Variants in SLIT2 observed in about 807,000 individuals in gnomAD.
SLIT2 encodes slit guidance ligand 2.
In SLIT2, 41 loss-of-function variants were observed where a neutral mutation model predicts 185.7. The ratio of observed to expected loss-of-function variants is 0.22; its 90% CI spans 0.17 to 0.29. The LOEUF is 0.29. SLIT2 is among the 10% of genes least tolerant of loss of function. SLIT2 has a pLI of 1.00. For synonymous variants in SLIT2, 693 were observed against 680.2 expected (o/e 1.02, Z -0.29); for missense variants, 1,571 against 1,909.0 (o/e 0.82, Z 3.30).
At chr4:20,401,774 T>G (rs1035356609) in intron 4 of SLIT2, among the ~76,000 whole-genome samples, 1 of 151,792 alleles carries the variant, frequency 6.6e-6, no homozygotes, top group African/African-American at 2.4e-5. Flanking sequence ...AAATGGGAAA[T>G]GAATAACACT....
At chr4:20,420,082 C>G (rs1433853464) in intron 4 of SLIT2, among the ~76,000 whole-genome samples, 1 of 152,128 alleles carries the variant, frequency 6.6e-6, no homozygotes, top group Non-Finnish European at 1.5e-5. Flanking sequence ...TCTCTAATAT[C>G]CAAATCATTC....
chr4:20,412,952 T>A (rs1727373550), intron 4 of SLIT2, among the ~76,000 whole-genome samples: 1 of 152,102 alleles, frequency 6.6e-6, no homozygotes, highest in Admixed American at 6.5e-5. Flanking sequence ...CAATTCTGGA[T>A]CTTTTGAATT....
intron 4 of SLIT2, among the ~76,000 whole-genome samples, chr4:20,331,638 A>G (rs1720077056): frequency 6.6e-6 from 1 of 152,134 alleles, no homozygotes; most frequent in African/African-American, 2.4e-5. Context: ...TTCTTGAAGT[A>G]TAATTCAAAT....
chr4:20,415,128 C>G (rs1204136263), intron 4 of SLIT2, among the ~76,000 whole-genome samples: 5 of 152,080 alleles, frequency 3.3e-5, no homozygotes, highest in Non-Finnish European at 7.4e-5. Context: ...AGTCTTTATA[C>G]TGGCTGTGCG....
chr4:20,536,916 C>A (rs1343955652), intron 18 of SLIT2, among the ~76,000 whole-genome samples: 2 of 152,012 alleles, frequency 1.3e-5, no homozygotes, highest in African/African-American at 4.8e-5. Flanking sequence ...TTAGCCTAGG[C>A]CTGCCCAGTG....
At chr4:20,466,022 G>C (rs992121720) in intron 4 of SLIT2, among the ~76,000 whole-genome samples, 4 of 151,830 alleles carry the variant, frequency 2.6e-5, no homozygotes, top group African/African-American at 9.7e-5. Flanking sequence ...CATGGAATTG[G>C]CGAAGACAGA....
intron 9 of SLIT2, among the ~76,000 whole-genome samples, chr4:20,504,935 C>T (rs1396096841): frequency 2.9e-5 from 4 of 138,292 alleles, no homozygotes; most frequent in Admixed American, 7.4e-5. Context: ...AACTTGATCA[C>T]AGGCATATAG....
At chr4:20,580,943 C>A (rs540338839) in intron 29 of SLIT2, among the ~76,000 whole-genome samples, 2 of 151,340 alleles carry the variant, frequency 1.3e-5, no homozygotes, top group Non-Finnish European at 2.9e-5. Flanking sequence ...AGGAAAGAGA[C>A]GTAAAAATGA....
chr4:20,615,432 C>G (rs1377048182), intron 34 of SLIT2: 3 of 152,190 alleles, frequency 2.0e-5, no homozygotes, highest in Non-Finnish European at 4.4e-5. Context: ...CCTGTTCCTA[C>G]AGGATCAGAA....
At chr4:20,486,546 A>G (rs1454574417) in intron 7 of SLIT2, among the ~76,000 whole-genome samples, 2 of 152,182 alleles carry the variant, frequency 1.3e-5, no homozygotes, top group African/African-American at 4.8e-5. Context: ...TCATTAAGAA[A>G]TGGAAGACTC....
intron 4 of SLIT2, among the ~76,000 whole-genome samples, chr4:20,417,336 G>C (rs1405347111): frequency 6.6e-6 from 1 of 150,590 alleles, no homozygotes; most frequent in African/African-American, 2.4e-5. Flanking sequence ...CTCTTCCTCT[G>C]TCAGTGACTG....
chr4:20,327,567 T>C (rs1323642394), intron 4 of SLIT2, among the ~76,000 whole-genome samples: 1 of 152,060 alleles, frequency 6.6e-6, no homozygotes, highest in African/African-American at 2.4e-5. Context: ...TTGTAATTAG[T>C]GGGTAAATTG....
chr4:20,327,070 T>G (rs1240087997), intron 4 of SLIT2, among the ~76,000 whole-genome samples: 1 of 151,998 alleles, frequency 6.6e-6, no homozygotes, highest in East Asian at 1.9e-4. Context: ...TCTAAGCCAG[T>G]TTCTTTGTTT....
intron 26 of SLIT2, among the ~76,000 whole-genome samples, chr4:20,564,023 G>A (rs541590424): frequency 1.3e-4 from 19 of 151,826 alleles, no homozygotes; most frequent in Non-Finnish European, 2.8e-4. Flanking sequence ...GACTGATCAA[G>A]TGTGGAAAAT....
At position 20,427,318 on chromosome 4, in the gene SLIT2, G is replaced by A. The variant is rs1728632656; in HGVS notation, c.396-40434G>A. ...TTTTTATATAAAACATTAAGAGTAT[G>A]TGTTTCTGTTAATGTACATATACAT... On this transcript the variant is annotated intron_variant, in intron 4 of 36. Transcript: ENST00000504154. Among the ~76,000 whole-genome samples, 5 of 152,290 alleles carry A rather than the reference G, an allele frequency of 3.3e-5. No individual in the cohort carries two copies. In the South Asian group the frequency reaches 1.0e-3, roughly 32 times the overall value.
At chr4:20,272,230 A>G (rs920806679) in intron 4 of SLIT2, among the ~76,000 whole-genome samples, 1 of 151,776 alleles carries the variant, frequency 6.6e-6, no homozygotes, top group Non-Finnish European at 1.5e-5. Flanking sequence ...TGGAAAGTGC[A>G]AGTCCAGGGA....
rs1560452839 is a variant in SLIT2 at position 20,472,287 on chromosome 4, G to GATATATATCTATATATATCTAT, written c.467+4471_467+4472insTCTATATATATCTATATATATA. ...ATATAGATATATATCTATATATATAGATATATAGATATATAGATCTATATA... is the reference window on the plus strand; with the variant it reads ...ATATAGATATATATCTATATATATAGATATATATCTATATATATCTATATATATAGATATATAGATCTATATA... On this transcript the variant is annotated intron_variant, in intron 5 of 36. Transcript: ENST00000504154. 8.1e-4 allele frequency among the ~76,000 whole-genome samples: 12 copies of GATATATATCTATATATATCTAT among 14,886 alleles called. 2 individuals carry two copies. The highest frequency in any genetic ancestry group is 3.3e-3 in the African/African-American group (12 of 3,628). 9.8% of individuals were successfully genotyped at this position (14,886 alleles called of 152,430 possible). A position where few individuals can be genotyped will look rare whatever the true frequency, so the allele number is the denominator to read the frequency against.
intron 4 of SLIT2, among the ~76,000 whole-genome samples, chr4:20,342,142 GTTAA>G (rs1035245683): frequency 3.3e-5 from 5 of 152,098 alleles, no homozygotes; most frequent in African/African-American, 1.2e-4. Context: ...ATTATTACTA[GTTAA>G]TTAATCACAT....
At chr4:20,557,176 A>T (rs1342178317) in intron 26 of SLIT2, among the ~76,000 whole-genome samples, 1 of 152,130 alleles carries the variant, frequency 6.6e-6, no homozygotes, top group Non-Finnish European at 1.5e-5. Flanking sequence ...CAAGTTACCC[A>T]GAAGATCTAA....
Sources: allele counts gnomAD v4.1 joint callset (sites outside exome capture counted in the v4.1 genomes callset), GRCh38; gene constraint gnomAD v4.1.1; transcripts MANE v1.5; gene names NCBI Gene and HGNC (gene_info 2026-07-23, HGNC 2026-07-21).